Variants in SCHIP1 observed in about 807,000 individuals in gnomAD.
The protein encoded by SCHIP1 is schwannomin-interacting protein 1.
A neutral mutation model predicts 29.7 loss-of-function variants in SCHIP1; 8 were observed. The observed-to-expected ratio is 0.27, with a 90% CI of 0.16 to 0.49. The LOEUF (loss-of-function observed/expected upper bound fraction) is 0.49. Among genes scored for constraint, SCHIP1 ranks in the 20% least tolerant of loss-of-function variants. The probability of loss-of-function intolerance (pLI) is 0.99; values close to 1 mark genes in which losing one functional copy is unlikely to be tolerated. For synonymous variants in SCHIP1, 76 were observed against 94.9 expected (o/e 0.80, Z 1.16); for missense variants, 193 against 294.6 (o/e 0.66, Z 2.52).
At chr3:159,387,369 G>T in the SCHIP1 span, 2 of 385,990 alleles carry the variant, frequency 5.2e-6, no homozygotes, top group South Asian at 4.1e-5. Flanking sequence ...CTCTTCCAGG[G>T]ACTTGATCTT....
At chr3:159,396,071 G>C in the SCHIP1 span, among the ~76,000 whole-genome samples, 3 of 146,230 alleles carry the variant, frequency 2.1e-5, no homozygotes, top group Non-Finnish European at 3.0e-5. Flanking sequence ...TTACCATTAT[G>C]TAATGGCCTT....
At chr3:159,540,229 TAA>T in the SCHIP1 span, among the ~76,000 whole-genome samples, 1 of 151,910 alleles carries the variant, frequency 6.6e-6, no homozygotes. Context: ...TGATGTTTTT[TAA>T]AAAAGAGTTA....
chr3:159,310,371 G>A, the SCHIP1 span, among the ~76,000 whole-genome samples: 2 of 152,064 alleles, frequency 1.3e-5, no homozygotes, highest in African/African-American at 4.8e-5. Flanking sequence ...TTAAATTTTA[G>A]AAGCTTTGTT....
chr3:159,562,014 T>A, the SCHIP1 span, among the ~76,000 whole-genome samples: 2 of 152,214 alleles, frequency 1.3e-5, no homozygotes, highest in Non-Finnish European at 2.9e-5. Context: ...ACCCTTGAAC[T>A]AAGCATACAA....
the SCHIP1 span, among the ~76,000 whole-genome samples, chr3:159,396,122 A>T: frequency 7.3e-6 from 1 of 136,422 alleles, no homozygotes; most frequent in African/African-American, 2.7e-5. Context: ...AGTCTGTTTT[A>T]TCAGAGACTA....
At chr3:159,584,600 C>A in the SCHIP1 span, among the ~76,000 whole-genome samples, 1 of 152,106 alleles carries the variant, frequency 6.6e-6, no homozygotes, top group African/African-American at 2.4e-5. Context: ...CCAGGACAGA[C>A]TTTAGGGGCC....
At chr3:159,358,230 A>G in the SCHIP1 span, among the ~76,000 whole-genome samples, 9 of 152,198 alleles carry the variant, frequency 5.9e-5, no homozygotes, top group African/African-American at 2.2e-4. Context: ...TCTGCTGGAC[A>G]TGCCTGGCTG....
At chr3:159,414,352 A>G in the SCHIP1 span, among the ~76,000 whole-genome samples, 1 of 152,188 alleles carries the variant, frequency 6.6e-6, no homozygotes, top group African/African-American at 2.4e-5. Flanking sequence ...CCCGGTAAGC[A>G]TTATTGTCTT....
At chr3:159,429,347 A>C in the SCHIP1 span, among the ~76,000 whole-genome samples, 1 of 152,094 alleles carries the variant, frequency 6.6e-6, no homozygotes, top group African/African-American at 2.4e-5. Context: ...AAGAATACAA[A>C]TTCCTTATCT....
chr3:159,521,414 G>A, the SCHIP1 span, among the ~76,000 whole-genome samples: 6 of 152,304 alleles, frequency 3.9e-5, no homozygotes, highest in South Asian at 1.2e-3. Flanking sequence ...TTTAAAATCA[G>A]AAGAAAAAAT....
chr3:159,430,388 C>A, the SCHIP1 span, among the ~76,000 whole-genome samples: 1 of 152,068 alleles, frequency 6.6e-6, no homozygotes, highest in Non-Finnish European at 1.5e-5. Context: ...TTTTTAAAAT[C>A]AGGAACCAGA....
At chr3:159,674,278 C>T in the SCHIP1 span, among the ~76,000 whole-genome samples, 1 of 152,104 alleles carries the variant, frequency 6.6e-6, no homozygotes, top group Non-Finnish European at 1.5e-5. Flanking sequence ...CATTGATCCC[C>T]AACAAACTGT....
At chr3:159,521,128 C>T in the SCHIP1 span, among the ~76,000 whole-genome samples, 1 of 152,198 alleles carries the variant, frequency 6.6e-6, no homozygotes, top group Non-Finnish European at 1.5e-5. Context: ...GTTTCCCCAC[C>T]TTCTTAGTTA....
the SCHIP1 span, among the ~76,000 whole-genome samples, chr3:159,369,591 A>G: frequency 6.6e-6 from 1 of 152,204 alleles, no homozygotes; most frequent in Admixed American, 6.5e-5. Context: ...AAGGAATGCC[A>G]TATAGCTTTT....
chr3:159,510,099 G>C, the SCHIP1 span, among the ~76,000 whole-genome samples: 1 of 152,168 alleles, frequency 6.6e-6, no homozygotes, highest in Non-Finnish European at 1.5e-5. Flanking sequence ...TCACTTGCAG[G>C]TACACCAATC....
At chr3:159,466,746 T>C in the SCHIP1 span, among the ~76,000 whole-genome samples, 1 of 152,158 alleles carries the variant, frequency 6.6e-6, no homozygotes, top group East Asian at 1.9e-4. Context: ...TAGGGTTTTA[T>C]TAGTTGTAAA....
the SCHIP1 span, among the ~76,000 whole-genome samples, chr3:159,655,031 A>G: frequency 6.6e-6 from 1 of 152,084 alleles, no homozygotes. Context: ...TACTGTCCCT[A>G]TTGAGCACAG....
the SCHIP1 span, among the ~76,000 whole-genome samples, chr3:159,496,960 A>G: frequency 6.6e-6 from 1 of 152,198 alleles, no homozygotes; most frequent in Non-Finnish European, 1.5e-5. Context: ...TTGTAGCGAC[A>G]TGGATGACGC....
chr3:159,606,282 T>A, the SCHIP1 span, among the ~76,000 whole-genome samples: 1 of 152,138 alleles, frequency 6.6e-6, no homozygotes. Context: ...AAAAGAAGGA[T>A]CATTTTCACC....
Sources: gnomAD v4.1 joint callset for allele counts (sites outside exome capture counted in the v4.1 genomes callset) on GRCh38, gnomAD v4.1.1 for gene constraint, MANE v1.5 for transcripts, NCBI Gene and HGNC (gene_info 2026-07-23, HGNC 2026-07-21) for gene names.